COL4A5: variants seen among roughly 807,000 people sequenced by gnomAD.
The protein encoded by COL4A5 is collagen type IV alpha 5 chain.
A neutral mutation model predicts 130.2 loss-of-function variants in COL4A5; 26 were observed. The observed-to-expected ratio is 0.20, with a 90% CI of 0.15 to 0.28. The LOEUF (loss-of-function observed/expected upper bound fraction) is 0.28. Ranked by LOEUF, COL4A5 falls within the 10% of genes least tolerant of loss-of-function variation. The probability of loss-of-function intolerance (pLI) is 1.00; values close to 1 mark genes in which losing one functional copy is unlikely to be tolerated. For missense variants in COL4A5, 1,131 were observed against 1,344.3 expected, an observed-to-expected ratio of 0.84 and a Z score of 2.48; for synonymous variants, 496 against 439.6, an observed-to-expected ratio of 1.13 and a Z score of -1.60.
intron 1 of COL4A5, among the ~76,000 whole-genome samples, chrX:108,448,444 A>C (rs1025129643): frequency 4.5e-5 from 5 of 112,078 alleles, no homozygotes; most frequent in African/African-American, 6.5e-5. Context: ...TTGCTTTCAA[A>C]ATTTCTTACA....
At chrX:108,624,005 CA>C (rs2067104507) in intron 33 of COL4A5, among the ~76,000 whole-genome samples, 1 of 111,447 alleles carries the variant, frequency 9.0e-6, no homozygotes, top group Non-Finnish European at 1.9e-5. Flanking sequence ...AAATGAGGCC[CA>C]AAATAGGAAA....
chrX:108,554,454 GTCATC>G (rs2065795151), intron 2 of COL4A5, among the ~76,000 whole-genome samples: 1 of 111,452 alleles, frequency 9.0e-6, no homozygotes, highest in Non-Finnish European at 1.9e-5. Flanking sequence ...CCATGATCCA[GTCATC>G]TCACACCAGG....
intron 30 of COL4A5, among the ~76,000 whole-genome samples, chrX:108,617,928 C>G (rs1385199052): frequency 8.9e-6 from 1 of 111,978 alleles, no homozygotes; most frequent in East Asian, 2.8e-4. Context: ...ATGTCATTTT[C>G]ATAGATGAAG....
chrX:108,533,004 C>A (rs928365827), intron 1 of COL4A5, among the ~76,000 whole-genome samples: 3 of 111,414 alleles, frequency 2.7e-5, no homozygotes, highest in Non-Finnish European at 1.9e-5. Context: ...ATCAAAATGC[C>A]AATGCAATTT....
At chrX:108,494,404 G>A (rs1603255869) in intron 1 of COL4A5, among the ~76,000 whole-genome samples, 1 of 111,740 alleles carries the variant, frequency 8.9e-6, no homozygotes, top group East Asian at 2.8e-4. Flanking sequence ...AGTACAAGGG[G>A]CAGGAGGTAA....
In COL4A5 at chrX:108,655,335, A is replaced by C. The variant is rs146873772; in HGVS notation, c.3251A>C (p.Glu1084Ala). ...TCTTTTTATTCGTGTTTTCAGGGTG[A>C]GCCTGGTCTGCCTGGATACCCAGGG... ...GLPGLPGPKG[E>A]PGLPGYPGNP... Residue 1084 changes from glutamate (E) to alanine (A), a missense_variant, in exon 37 of 53, where the codon GAG becomes GCG. Physicochemically the swap from Glu to Ala is moderately radical, Grantham distance 107 (BLOSUM62 -1). Transcript: ENST00000328300. The C allele has an allele frequency of 2.3e-4, 280 of 1,208,291 alleles. No individual in the cohort carries two copies. Among genetic ancestry groups the C allele is most frequent in the Non-Finnish European group, 2.4e-4 (217 of 894,513 alleles).
At chrX:108,683,608 A>C (rs2068483087) in intron 47 of COL4A5, among the ~76,000 whole-genome samples, 1 of 111,344 alleles carries the variant, frequency 9.0e-6, no homozygotes, top group Admixed American at 9.6e-5. Flanking sequence ...GAGGTCCTCC[A>C]CATCCCTTGT....
At chrX:108,574,268 T>G (rs1212032241) in intron 9 of COL4A5, among the ~76,000 whole-genome samples, 1 of 111,666 alleles carries the variant, frequency 9.0e-6, no homozygotes, top group African/African-American at 3.3e-5. Flanking sequence ...GATACAAGAT[T>G]GGGGACTTTT....
At chrX:108,687,728 CT>C in intron 49 of COL4A5, 34 bp downstream of exon 49, 1 of 1,175,630 alleles carries the variant, frequency 8.5e-7, no homozygotes, top group Non-Finnish European at 1.2e-6. Context: ...CCTACTGTGC[CT>C]TTTGTTTTTG....
At chrX:108,636,202 A>G (rs763392616) in intron 36 of COL4A5, among the ~76,000 whole-genome samples, 3 of 111,951 alleles carry the variant, frequency 2.7e-5, no homozygotes, top group Admixed American at 9.5e-5. Context: ...CCCCTATCTC[A>G]TACTGTATAC....
intron 1 of COL4A5, among the ~76,000 whole-genome samples, chrX:108,519,970 T>C (rs1022958745): frequency 1.8e-5 from 2 of 112,236 alleles, no homozygotes; most frequent in East Asian, 5.5e-4. Flanking sequence ...TATGCAATCA[T>C]ATCACCTGTG....
rs1052281498 is a variant in COL4A5, at chrX:108,559,142, C to T, written c.220C>T (p.Arg74Trp). The change falls in exon 3 of 53, where the codon CGG (arginine) becomes TGG (tryptophan). Residue 74 changes from arginine (R) to tryptophan (W), a missense_variant. Physicochemically the swap from Arg to Trp is moderately radical, Grantham distance 101. Coordinates refer to ENST00000328300, the MANE Select transcript of COL4A5 (RefSeq NM_033380.3). ...FPGPEGPPGP[R>W]GQKGDDGIPG... ...AGGTCCAGAAGGGCCTCCGGGGCCT[C>T]GGGGACAAAAGGTATGTATCATGTT... The T allele has an allele frequency of 6.6e-6, 8 of 1,206,072 alleles. No homozygotes were observed. Among genetic ancestry groups the T allele is most frequent in the Non-Finnish European group, 6.7e-6 (6 of 890,673 alleles).
chrX:108,677,703 G>A, intron 44 of COL4A5, 70 bp downstream of exon 44: 1 of 1,127,893 alleles, frequency 8.9e-7, no homozygotes. Flanking sequence ...TGAATTCTAA[G>A]CTGCATCATT....
At chrX:108,619,987 A>G (rs1199058023) in intron 30 of COL4A5, among the ~76,000 whole-genome samples, 3 of 112,326 alleles carry the variant, frequency 2.7e-5, no homozygotes, top group African/African-American at 9.7e-5. Flanking sequence ...ATTGTATTTT[A>G]TAAAAAATAT....
intron 1 of COL4A5, among the ~76,000 whole-genome samples, chrX:108,496,256 T>C (rs2065033541): frequency 8.9e-6 from 1 of 112,214 alleles, no homozygotes; most frequent in African/African-American, 3.2e-5. Context: ...TGACATGTTA[T>C]GTTTTCGTTT....
intron 24 of COL4A5, among the ~76,000 whole-genome samples, chrX:108,598,330 A>T (rs1328370778): frequency 8.9e-6 from 1 of 112,407 alleles, no homozygotes; most frequent in Non-Finnish European, 1.9e-5. Flanking sequence ...ATTTAACATA[A>T]ATGAACAATC....
At chrX:108,489,288 A>G (rs1021668224) in intron 1 of COL4A5, among the ~76,000 whole-genome samples, 40 of 111,547 alleles carry the variant, frequency 3.6e-4, no homozygotes, top group African/African-American at 1.2e-3. Context: ...TTTTTGTCAG[A>G]TCTTTGTCTA....
At chrX:108,543,745 G>T (rs2065591602) in intron 2 of COL4A5, among the ~76,000 whole-genome samples, 1 of 112,108 alleles carries the variant, frequency 8.9e-6, no homozygotes. Flanking sequence ...CATGAGCATG[G>T]AATGTTCTTG....
rs1325048936 is a variant in COL4A5, at chrX:108,571,856, G to A, written c.465+19G>A. 3.5e-6 allele frequency: 4 copies of A among 1,157,947 alleles called. No individual in the cohort carries two copies. On this transcript the variant is annotated intron_variant, in intron 8 of 52. Transcript: ENST00000328300. ...TATGAAGGTAAGCATCTCATTCTGG[G>A]GAACAAATGTTTTGAATAAAATATT... is the stretch of plus-strand genomic sequence containing the variant.
Sources: gnomAD v4.1 joint callset for allele counts (sites outside exome capture counted in the v4.1 genomes callset) on GRCh38, gnomAD v4.1.1 for gene constraint, MANE v1.5 for transcripts, NCBI Gene and HGNC (gene_info 2026-07-23, HGNC 2026-07-21) for gene names.